Variants in MACROD2 observed in about 807,000 individuals in gnomAD.
MACROD2 encodes the protein mono-ADP ribosylhydrolase 2.
A neutral mutation model predicts 70.4 loss-of-function variants in MACROD2; 36 were observed. The observed-to-expected ratio is 0.51, with a 90% confidence interval of 0.39 to 0.68. The LOEUF is 0.68. Ranked by LOEUF, MACROD2 falls within the 30% of genes least tolerant of loss-of-function variation. The probability of loss-of-function intolerance (pLI) is 0.00; values close to 1 mark genes in which losing one functional copy is unlikely to be tolerated. For synonymous variants in MACROD2, 172 were observed against 178.8 expected, an observed-to-expected ratio of 0.96 and a Z score of 0.30; for missense variants, 496 against 538.4, an observed-to-expected ratio of 0.92 and a Z score of 0.78.
chr20:15,701,691 G>A (rs955241709), intron 8 of MACROD2, among the ~76,000 whole-genome samples: 2 of 152,060 alleles, frequency 1.3e-5, no homozygotes, highest in African/African-American at 2.4e-5. Context: ...TAGATTCAGG[G>A]CGTACATATG....
chr20:15,554,137 A>G (rs2048133982), intron 8 of MACROD2, among the ~76,000 whole-genome samples: 1 of 152,230 alleles, frequency 6.6e-6, no homozygotes, highest in Non-Finnish European at 1.5e-5. Context: ...TAGGAGTTAG[A>G]ATAGATGAGG....
At chr20:14,275,681 A>C (rs1363361767) in intron 3 of MACROD2, among the ~76,000 whole-genome samples, 1 of 152,208 alleles carries the variant, frequency 6.6e-6, no homozygotes. Context: ...AACTACCATC[A>C]GAGTGAACAG....
At chr20:14,611,556 T>A (rs999378171) in intron 4 of MACROD2, among the ~76,000 whole-genome samples, 2 of 151,628 alleles carry the variant, frequency 1.3e-5, no homozygotes, top group Non-Finnish European at 2.9e-5. Context: ...GATTTGATCT[T>A]CAAAAGGGAA....
chr20:15,355,193 A>G (rs2078273041), intron 6 of MACROD2, among the ~76,000 whole-genome samples: 1 of 152,184 alleles, frequency 6.6e-6, no homozygotes, highest in Non-Finnish European at 1.5e-5. Flanking sequence ...ACTCTCTTTA[A>G]TTCAGATGCC....
intron 2 of MACROD2, among the ~76,000 whole-genome samples, chr20:14,017,244 A>G (rs1201156138): frequency 6.6e-6 from 1 of 152,078 alleles, no homozygotes; most frequent in Non-Finnish European, 1.5e-5. Context: ...GGTTTTCTGC[A>G]TTTACGATCA....
At position 14,928,485 on chromosome 20, in the gene MACROD2, T is replaced by C. The variant is rs113674534; in HGVS notation, c.418+243526T>C. The stretch of plus-strand genomic sequence containing the variant: ...CTTAGTGCTGGAAGGTGTTTAAGGG[T>C]CAACTATTCTGACTTAGAGGAAGAT... On this transcript the variant is annotated intron_variant, in intron 5 of 17. Coordinates refer to ENST00000684519, the MANE Select transcript of MACROD2 (RefSeq NM_001351661.2). Among the ~76,000 whole-genome samples, 616 of 152,290 alleles carry C rather than the reference T, an allele frequency of 4.0e-3. 1 individual carries two copies. Among genetic ancestry groups the C allele is most frequent in the African/African-American group, 0.014 (582 of 41,544 alleles).
rs144734203 is a variant in MACROD2 at position 15,310,940 on chromosome 20, G to T, written c.540+80879G>T. Among the ~76,000 whole-genome samples the T allele has an allele frequency of 1.5e-3, 221 of 152,202 alleles. 2 individuals are homozygous for T. Among genetic ancestry groups the T allele is most frequent in the Admixed American group, 0.014 (211 of 15,282 alleles). Reference sequence around the variant, plus strand: ...GGAAATATTAGAATCTTTTAATAAAGAATGACCAATAAATAGTGGTCGGCA... The same window carrying T: ...GGAAATATTAGAATCTTTTAATAAATAATGACCAATAAATAGTGGTCGGCA... On this transcript the variant is annotated intron_variant, in intron 6 of 17. Coordinates refer to ENST00000684519, the MANE Select transcript of MACROD2 (RefSeq NM_001351661.2).
chr20:14,282,841 C>A (rs2082317161), intron 3 of MACROD2, among the ~76,000 whole-genome samples: 1 of 152,174 alleles, frequency 6.6e-6, no homozygotes, highest in African/African-American at 2.4e-5. Flanking sequence ...AAGACAGCAC[C>A]AGGCCATGAG....
At chr20:14,545,035 A>G (rs1568663374) in intron 4 of MACROD2, among the ~76,000 whole-genome samples, 1 of 152,198 alleles carries the variant, frequency 6.6e-6, no homozygotes, top group Non-Finnish European at 1.5e-5. Context: ...GTATCTGTCC[A>G]GATGATGATG....
chr20:15,873,089 C>T (rs1319248812), intron 9 of MACROD2, among the ~76,000 whole-genome samples: 1 of 152,040 alleles, frequency 6.6e-6, no homozygotes, highest in East Asian at 1.9e-4. Flanking sequence ...TGGCATCATC[C>T]TCATTTTAAA....
At chr20:14,860,956 CT>C (rs920592457) in intron 5 of MACROD2, among the ~76,000 whole-genome samples, 5 of 141,154 alleles carry the variant, frequency 3.5e-5, no homozygotes, top group Non-Finnish European at 6.3e-5. Context: ...ATTCTGGAGA[CT>C]TTAAAAAAAA....
At chr20:15,639,668 A>G (rs2049424734) in intron 8 of MACROD2, among the ~76,000 whole-genome samples, 1 of 152,102 alleles carries the variant, frequency 6.6e-6, no homozygotes, top group Admixed American at 6.6e-5. Context: ...ATCACCAATG[A>G]TGGGTATCTC....
intron 8 of MACROD2, among the ~76,000 whole-genome samples, chr20:15,765,080 G>T (rs1365372073): frequency 2.0e-5 from 3 of 152,060 alleles, no homozygotes; most frequent in East Asian, 3.9e-4. Flanking sequence ...TTCTCAAATG[G>T]CACTTCCTCA....
chr20:14,779,505 C>T (rs1254398935), intron 5 of MACROD2, among the ~76,000 whole-genome samples: 47 of 152,094 alleles, frequency 3.1e-4, no homozygotes, highest in Admixed American at 3.1e-3. Context: ...CTGGCAACAC[C>T]AGGCATTCAG....
intron 3 of MACROD2, among the ~76,000 whole-genome samples, chr20:14,255,976 T>G (rs2082053173): frequency 6.6e-6 from 1 of 152,052 alleles, no homozygotes; most frequent in South Asian, 2.1e-4. Flanking sequence ...TTTTCAATTT[T>G]GAAGAGTTCT....
chr20:15,953,188 C>G (rs921310631), intron 12 of MACROD2, among the ~76,000 whole-genome samples: 1 of 151,962 alleles, frequency 6.6e-6, no homozygotes, highest in African/African-American at 2.4e-5. Context: ...AAAAGTAGTT[C>G]AGGATACTAG....
chr20:15,714,907 A>T (rs943685190), intron 8 of MACROD2, among the ~76,000 whole-genome samples: 1 of 152,052 alleles, frequency 6.6e-6, no homozygotes, highest in African/African-American at 2.4e-5. Context: ...ATCTTGTTTA[A>T]AGTTCCCCAG....
chr20:14,765,969 G>T (rs1411676626), intron 5 of MACROD2, among the ~76,000 whole-genome samples: 2 of 152,054 alleles, frequency 1.3e-5, no homozygotes, highest in Non-Finnish European at 2.9e-5. Flanking sequence ...CTAAATCTAG[G>T]AAGCAGCACC....
chr20:15,184,734 T>C (rs900288142), intron 5 of MACROD2, among the ~76,000 whole-genome samples: 1 of 152,228 alleles, frequency 6.6e-6, no homozygotes, highest in South Asian at 2.1e-4. Flanking sequence ...GTCTTCCCAG[T>C]TCCCCAGGAG....
Sources: allele counts gnomAD v4.1 joint callset (sites outside exome capture counted in the v4.1 genomes callset), GRCh38; gene constraint gnomAD v4.1.1; transcripts MANE v1.5; gene names NCBI Gene and HGNC (gene_info 2026-07-23, HGNC 2026-07-21).